The following TTN variants were observed in gnomAD, a reference collection of about 807,000 sequenced individuals.
TTN encodes the protein titin.
A neutral mutation model predicts 3,223.0 loss-of-function variants in TTN; 1,525 were observed. That is an observed-to-expected ratio of 0.47 (90% CI 0.45 to 0.49). TTN has a LOEUF of 0.49. Among genes scored for constraint, TTN ranks in the 20% least tolerant of loss-of-function variants. The probability of loss-of-function intolerance (pLI) is 0.00; values close to 1 mark genes in which losing one functional copy is unlikely to be tolerated. For synonymous variants in TTN, 14,094 were observed against 15,161.0 expected (o/e 0.93, Z 5.17); for missense variants, 40,786 against 43,424.0 (o/e 0.94, Z 5.40).
In TTN at chr2:178,780,161, G is replaced by A; in HGVS notation, c.3568C>T (p.Gln1190Ter). Residue 1190 changes from glutamine (Q) to a stop codon, truncating the protein, a stop_gained, in exon 22 of 363, where the codon CAG becomes TAG. Transcript: ENST00000589042. LOFTEE classifies it high-confidence loss of function. ...LMKSQQEMLY[Q>*]TQVTAFVQEP... is the part of the protein sequence containing the mutation. ...TGAACAAATGCAGTCACTTGTGTCT[G>A]ATAAAGCATTTCTTGCTGGGACTTC... 6.2e-7 allele frequency: 1 copy of A among 1,613,826 alleles called. No homozygotes were observed. Among genetic ancestry groups the A allele is most frequent in the Non-Finnish European group, 8.5e-7 (1 of 1,179,868 alleles).
chr2:178,750,384 CA>C, intron 47 of TTN: 1 of 1,612,882 alleles, frequency 6.2e-7, no homozygotes, highest in Non-Finnish European at 8.5e-7. Flanking sequence ...TGATGATGAA[CA>C]GATGAAAGAG....
rs188878341 is a variant in TTN at position 178,728,975 on chromosome 2, C to A, written c.19063G>T (p.Asp6355Tyr). ...SVATLQIRSV[D>Y]NGHSGRYTCQ... ...GTATATCTCCCACTGTGTCCATTAT[C>A]CACACTTCTGATTTGAAGTGTGGCC... The change falls in exon 65 of 363, where the codon GAT becomes TAT. Residue 6355 changes from aspartate (D) to tyrosine (Y), a missense_variant. Transcript: ENST00000589042. The A allele has an allele frequency of 1.3e-4, 215 of 1,613,092 alleles. No homozygotes were observed. The African/African-American group carries it at 2.5e-3, about 19-fold the overall frequency.
rs750094299 is a variant in TTN at position 178,675,931 on chromosome 2, G to A, written c.34443C>T (p.Pro11481=). 1.9e-6 allele frequency: 3 copies of A among 1,607,788 alleles called. No homozygotes were observed. Among genetic ancestry groups the A allele is most frequent in the Admixed American group, 1.7e-5 (1 of 59,272 alleles). Residue 11481 remains proline (P), a synonymous_variant, in exon 148 of 363, where the codon CCC becomes CCT. Coordinates refer to ENST00000589042, the MANE Select transcript of TTN (RefSeq NM_001267550.2). ...TCGGAATAGCAATACCTTTGGCAGG[G>A]GGAGCCTCCTCTTTCTTGGGAATGA... ...KVVIPKKEEA[P]PAKVSVVPKK...
chr2:178,529,418 T>C (rs1688046235), intron 359 of TTN, 199 bp from the exon 360 acceptor site: 2 of 424,852 alleles, frequency 4.7e-6, no homozygotes, highest in South Asian at 1.5e-4. Flanking sequence ...AATGATTCCT[T>C]AAACTAAACT....
rs1401370061 is a variant in TTN, at chr2:178,617,189, C to T, written c.47806G>A (p.Ala15936Thr). Reference sequence around the variant, plus strand: ...TCTGAAACACCAGCTTTATTTTCTGCAGATACTCTATATAAATATTTATTT... The same window carrying T: ...TCTGAAACACCAGCTTTATTTTCTGTAGATACTCTATATAAATATTTATTT... ...KGNKYLYRVS[A>T]ENKAGVSDPS... The change falls in exon 255 of 363, where the codon GCA becomes ACA. Residue 15936 changes from alanine (A) to threonine (T), a missense_variant. Ala to Thr is a moderately conservative substitution (Grantham distance 58). Transcript: ENST00000589042. 6.3e-7 allele frequency: 1 copy of T among 1,588,536 alleles called. No individual in the cohort carries two copies. The highest frequency in any genetic ancestry group is 2.3e-5 in the East Asian group (1 of 43,470).
chr2:178,751,122 A>G lies in TTN; in HGVS notation c.11311+2002T>C, dbSNP rs377740664. The G allele has an allele frequency of 5.6e-5, 91 of 1,612,844 alleles. No individual in the cohort carries two copies. In the East Asian group the frequency reaches 1.5e-3, roughly 27 times the overall value. On this transcript the variant is annotated intron_variant, in intron 47 of 362. Transcript: ENST00000589042. ...CTCTCAGCTGAATGATCTACCTTAT[A>G]ACTTTCAGCTAGATCAGACATAGAT... is the stretch of plus-strand genomic sequence containing the variant.
chr2:178,688,897 T>C, intron 125 of TTN, 119 bp from the exon 126 acceptor site: 1 of 1,108,876 alleles, frequency 9.0e-7, no homozygotes, highest in South Asian at 1.4e-5. Context: ...GGAAAACAAG[T>C]TACATATCAC....
At chr2:178,751,163 T>C in intron 47 of TTN, 1 of 1,612,076 alleles carries the variant, frequency 6.2e-7, no homozygotes, top group South Asian at 1.1e-5. Context: ...TTTCATGTCC[T>C]CTCTAGAGAA....
At position 178,740,063 on chromosome 2, in the gene TTN, C is replaced by T. The variant is rs1183686153; in HGVS notation, c.13170G>A (p.Glu4390=). The T allele has an allele frequency of 1.9e-6, 3 of 1,613,852 alleles. No homozygotes were observed. The highest frequency in any genetic ancestry group is 1.7e-5 in the Admixed American group (1 of 60,002). The change falls in exon 48 of 363, where the codon GAG becomes GAA. Residue 4390 remains glutamate, a synonymous_variant. Coordinates refer to ENST00000589042, the MANE Select transcript of TTN (RefSeq NM_001267550.2). ...KESLLSGIPE[E]QRLNLKIQIC... ...TTTGAATTTTCAGGTTTAATCTCTG[C>T]TCTTCTGGAATACCAGAAAGCAAGC...
chr2:178,739,710 T>C lies in TTN; in HGVS notation c.13523A>G (p.Asp4508Gly), dbSNP rs1295374753. The change falls in exon 48 of 363, where the codon GAT becomes GGT. Residue 4508 changes from aspartate (D) to glycine (G), a missense_variant. Coordinates refer to ENST00000589042, the MANE Select transcript of TTN (RefSeq NM_001267550.2). Reference sequence around the variant, plus strand: ...AACCTTCTGTGAACCTGAAAAAGAATCCATTTCTTCTTGCAAACTTGTTTT... The same window carrying C: ...AACCTTCTGTGAACCTGAAAAAGAACCCATTTCTTCTTGCAAACTTGTTTT... ...GAKTSLQEEM[D>G]SFSGSQKVEP... 2 of 1,613,832 alleles carry C rather than the reference T, an allele frequency of 1.2e-6. No homozygotes were observed. Among genetic ancestry groups the C allele is most frequent in the Non-Finnish European group, 1.7e-6 (2 of 1,179,850 alleles).
intron 11 of TTN, 144 bp downstream of exon 11, chr2:178,790,564 C>G: frequency 8.0e-7 from 1 of 1,245,364 alleles, no homozygotes; most frequent in Non-Finnish European, 1.1e-6. Context: ...TGAAAGGTAG[C>G]TGTGTGGGAA....
rs1481940319 is a variant in TTN at position 178,543,925 on chromosome 2, G to C, written c.96219C>G (p.Asp32073Glu). Reference sequence around the variant, plus strand: ...TTCCAGCATCGTACCGATTAACTTTGTCCACTATTAGCAATGAGTAGCTCT... The same window carrying C: ...TTCCAGCATCGTACCGATTAACTTTCTCCACTATTAGCAATGAGTAGCTCT... Reference protein sequence around the residue: ...TTESYSLLIVDKVNRYDAGKY... With the variant: ...TTESYSLLIVEKVNRYDAGKY... Residue 32073 changes from aspartate to glutamate, a missense_variant, in exon 346 of 363, where the codon GAC (aspartate) becomes GAG (glutamate). Transcript: ENST00000589042. 1 of 1,613,438 alleles carries C rather than the reference G, an allele frequency of 6.2e-7. No homozygotes were observed. Among genetic ancestry groups the C allele is most frequent in the Admixed American group, 1.7e-5 (1 of 59,974 alleles).
Position 178,652,171 on chromosome 2 carries a change from C to T in TTN, c.39220G>A (p.Val13074Met). 2 of 1,612,086 alleles carry T rather than the reference C, an allele frequency of 1.2e-6. No homozygotes were observed. Among genetic ancestry groups the T allele is most frequent in the African/African-American group, 1.3e-5 (1 of 74,954 alleles). Residue 13074 changes from valine (V) to methionine (M), a missense_variant, in exon 204 of 363, where the codon GTG (valine) becomes ATG (methionine). By Grantham distance (21) the Val-to-Met change is conservative (BLOSUM62 1). Coordinates refer to ENST00000589042, the MANE Select transcript of TTN (RefSeq NM_001267550.2). ...PEVPPTKVPEVPKVAVPEKKV... is the reference protein window; with the variant it reads ...PEVPPTKVPEMPKVAVPEKKV... The stretch of plus-strand genomic sequence containing the variant: ...TTTTCTGGGACAGCTACCTTTGGCA[C>T]CTCTGGGACTTTAAAAGATATTATT...
rs947716496 is a variant in TTN at position 178,607,781 on chromosome 2, G to C, written c.53002+4C>G. ...CATAATTTTATTCCAATAACGTTAA[G>C]TACCTTGTGGTTCAGCCACAGTAAC... On this transcript the variant is annotated splice_donor_region_variant and intron_variant, in intron 276 of 362. Transcript: ENST00000589042. 3.1e-6 allele frequency: 5 copies of C among 1,612,644 alleles called. No homozygotes were observed. The Admixed American group carries it at 8.3e-5, about 27-fold the overall frequency.
chr2:178,768,656 T>C lies in TTN; in HGVS notation c.9163+17A>G, dbSNP rs1223619094. Reference sequence around the variant, plus strand: ...TATGACATTTTTTCTATGGATCTAATATGTATGAAACCATACCTTCCACAT... The same window carrying C: ...TATGACATTTTTTCTATGGATCTAACATGTATGAAACCATACCTTCCACAT... On this transcript the variant is annotated intron_variant, in intron 38 of 362. Coordinates refer to ENST00000589042, the MANE Select transcript of TTN (RefSeq NM_001267550.2). 6 of 1,613,936 alleles carry C rather than the reference T, an allele frequency of 3.7e-6. No individual in the cohort carries two copies. The highest frequency in any genetic ancestry group is 3.3e-5 in the South Asian group (3 of 91,066).
chr2:178,567,729 A>G lies in TTN; in HGVS notation c.78403T>C (p.Trp26135Arg). ...ACATTTGTAAAGCTAGCTTTCATCC[A>G]ACGACCATCAGGCAAATCACGTTTC... The part of the protein sequence containing the change: ...VEKRDLPDGR[W>R]MKASFTNVIE... Residue 26135 changes from tryptophan to arginine, a missense_variant, in exon 326 of 363, where the codon TGG becomes CGG. Trp to Arg is a moderately radical substitution (Grantham distance 101). Coordinates refer to ENST00000589042, the MANE Select transcript of TTN (RefSeq NM_001267550.2). 2 of 1,612,544 alleles carry G rather than the reference A, an allele frequency of 1.2e-6. No individual in the cohort carries two copies. Among genetic ancestry groups the G allele is most frequent in the Non-Finnish European group, 1.7e-6 (2 of 1,178,842 alleles).
Position 178,535,670 on chromosome 2 carries a change from ATC to A in TTN, c.100943_100944del (p.Arg33648IlefsTer24), listed in dbSNP as rs1559050685. Reference sequence around the variant, plus strand: ...TTGGGGAAAACAAGTGATGTGAAGGATCTTGTGACAATAACTTGGTAGTGGCC... The same window carrying A: ...TTGGGGAAAACAAGTGATGTGAAGGATTGTGACAATAACTTGGTAGTGGCC... The part of the protein sequence containing the change: ...NNGHYQVIVT[R>X]SFTSLVFPNG... On this transcript the variant is annotated frameshift_variant, in exon 358 of 363. Transcript: ENST00000589042. LOFTEE classifies it high-confidence loss of function. 6.2e-7 allele frequency: 1 copy of A among 1,613,832 alleles called. No individual in the cohort carries two copies. Among genetic ancestry groups the A allele is most frequent in the Non-Finnish European group, 8.5e-7 (1 of 1,179,788 alleles).
At chr2:178,710,504 C>T (rs966447930) in intron 98 of TTN, 131 bp downstream of exon 98, 33 of 1,142,508 alleles carry the variant, frequency 2.9e-5, no homozygotes, top group Non-Finnish European at 3.8e-5. Flanking sequence ...AAACTTATTT[C>T]CTCTTAAACA....
At chr2:178,665,531 C>T in intron 164 of TTN, 71 bp from the exon 165 acceptor site, 1 of 1,510,142 alleles carries the variant, frequency 6.6e-7, no homozygotes, top group African/African-American at 1.4e-5. Flanking sequence ...TGAGCTGAAC[C>T]AAAGTGATAT....
Sources: gnomAD v4.1 joint callset for allele counts on GRCh38, gnomAD v4.1.1 for gene constraint, MANE v1.5 for transcripts, NCBI Gene and HGNC (gene_info 2026-07-23, HGNC 2026-07-21) for gene names.